The following CPQ variants were observed in gnomAD, a reference collection of about 807,000 sequenced individuals.
CPQ encodes the protein Ser-Met dipeptidase.
A neutral mutation model predicts 45.7 loss-of-function variants in CPQ; 37 were observed. The ratio of observed to expected loss-of-function variants is 0.81; its 90% CI spans 0.62 to 1.07. The LOEUF (loss-of-function observed/expected upper bound fraction) is 1.07, where lower values mean the gene tolerates loss of function less well. Ranked by LOEUF, CPQ falls within the 50% of genes least tolerant of loss-of-function variation. The pLI is 0.00. For missense variants in CPQ, 537 were observed against 572.9 expected, an observed-to-expected ratio of 0.94 and a Z score of 0.64; for synonymous variants, 186 against 205.8, an observed-to-expected ratio of 0.90 and a Z score of 0.82.
chr8:96,679,456 T>G (rs1435444040), intron 1 of CPQ, among the ~76,000 whole-genome samples: 2 of 152,168 alleles, frequency 1.3e-5, no homozygotes, highest in Non-Finnish European at 2.9e-5. Flanking sequence ...TAGGAATAAT[T>G]CCCTCTTCTC....
Position 96,783,946 on chromosome 8 carries a change from AC to A in CPQ, c.-34-915del, listed in dbSNP as rs377190022. ...GTTTGTGGACTGGTATGGCCCACAA[AC>A]CCATGCTTTGAGTAGCACTGTTTAA... On this transcript the variant is annotated intron_variant, in intron 1 of 7. Coordinates refer to ENST00000220763, the MANE Select transcript of CPQ (RefSeq NM_016134.4). 2.3e-3 allele frequency among the ~76,000 whole-genome samples: 349 copies of A among 151,646 alleles called. 4 individuals carry two copies. Among genetic ancestry groups the A allele is most frequent in the African/African-American group, 8.3e-3 (341 of 41,318 alleles).
intron 1 of CPQ, among the ~76,000 whole-genome samples, chr8:96,730,940 A>T (rs1483561747): frequency 7.0e-6 from 1 of 143,374 alleles, no homozygotes; most frequent in East Asian, 2.1e-4. Flanking sequence ...CCACCCAATA[A>T]ACCTTATGGA....
At chr8:96,746,665 C>A (rs943632131) in intron 1 of CPQ, among the ~76,000 whole-genome samples, 3 of 152,266 alleles carry the variant, frequency 2.0e-5, no homozygotes, top group East Asian at 3.9e-4. Context: ...CTCGAGGTAT[C>A]CAGTAGTGGC....
At chr8:96,942,117 G>A (rs989533511) in intron 4 of CPQ, among the ~76,000 whole-genome samples, 2 of 152,148 alleles carry the variant, frequency 1.3e-5, no homozygotes, top group African/African-American at 4.8e-5. Context: ...TCATAACTTA[G>A]AGAAACAATT....
chr8:96,978,162 C>T (rs925878707), intron 5 of CPQ, among the ~76,000 whole-genome samples: 5 of 152,110 alleles, frequency 3.3e-5, no homozygotes, highest in Non-Finnish European at 5.9e-5. Context: ...CTGTAAGACC[C>T]ATGGCAGATA....
rs187200761 is a variant in CPQ, at chr8:97,142,651, T to A, written c.1256-369T>A. On this transcript the variant is annotated intron_variant, in intron 7 of 7. Transcript: ENST00000220763. Reference sequence around the variant, plus strand: ...CCAGAAGAAGGCAGTGCAGAGCTTGTTGAGAGAGTTAGCAATATTTTCCAA... The same window carrying A: ...CCAGAAGAAGGCAGTGCAGAGCTTGATGAGAGAGTTAGCAATATTTTCCAA... Among the ~76,000 whole-genome samples the A allele has an allele frequency of 2.0e-5, 3 of 152,356 alleles. No homozygotes were observed. The East Asian group carries it at 5.8e-4, about 29-fold the overall frequency.
At chr8:96,675,333 T>C (rs1431486668) in intron 1 of CPQ, among the ~76,000 whole-genome samples, 2 of 152,062 alleles carry the variant, frequency 1.3e-5, no homozygotes, top group African/African-American at 4.8e-5. Flanking sequence ...TGCTTTGTTC[T>C]CCTGACATTT....
In CPQ at chr8:96,897,239, T is replaced by C. The variant is rs114879031; in HGVS notation, c.849+17234T>C. Among the ~76,000 whole-genome samples, 1,168 of 152,318 alleles carry C rather than the reference T, an allele frequency of 7.7e-3. 8 individuals carry two copies. The highest frequency in any genetic ancestry group is 0.024 in the African/African-American group (990 of 41,580). ...TAGCAGATTAACTAATTTTGAAAGATAATTTATTTTGAACTTGAGTAGGGG... is the reference window on the plus strand; with the variant it reads ...TAGCAGATTAACTAATTTTGAAAGACAATTTATTTTGAACTTGAGTAGGGG... On this transcript the variant is annotated intron_variant, in intron 4 of 7. Coordinates refer to ENST00000220763, the MANE Select transcript of CPQ (RefSeq NM_016134.4).
chr8:96,927,350 C>T (rs995415807), intron 4 of CPQ, among the ~76,000 whole-genome samples: 5 of 152,160 alleles, frequency 3.3e-5, no homozygotes, highest in African/African-American at 7.2e-5. Context: ...GATGAGGTCT[C>T]CAAGGAAAAT....
intron 4 of CPQ, among the ~76,000 whole-genome samples, chr8:96,884,805 G>A (rs1179539689): frequency 6.6e-6 from 1 of 152,132 alleles, no homozygotes; most frequent in Non-Finnish European, 1.5e-5. Flanking sequence ...TTAAAAGTTG[G>A]TTTTTATAAT....
intron 1 of CPQ, among the ~76,000 whole-genome samples, chr8:96,745,192 C>A (rs1810161726): frequency 6.6e-6 from 1 of 152,102 alleles, no homozygotes; most frequent in Non-Finnish European, 1.5e-5. Context: ...CCTGTAATCC[C>A]AGCTACTCAG....
intron 4 of CPQ, among the ~76,000 whole-genome samples, chr8:96,925,910 A>C (rs1052375583): frequency 1.5e-5 from 2 of 134,862 alleles, no homozygotes; most frequent in Non-Finnish European, 3.2e-5. Flanking sequence ...GGATGGTCTC[A>C]ATCTCCTGAC....
chr8:97,017,489 G>C (rs898419647), intron 5 of CPQ, among the ~76,000 whole-genome samples: 6 of 152,200 alleles, frequency 3.9e-5, no homozygotes, highest in African/African-American at 1.4e-4. Flanking sequence ...TACTTTTGCA[G>C]CTGGGAGGCA....
chr8:96,850,943 T>A (rs1811763445), intron 3 of CPQ, among the ~76,000 whole-genome samples: 1 of 151,920 alleles, frequency 6.6e-6, no homozygotes, highest in Admixed American at 6.6e-5. Context: ...TTTAGAAAAC[T>A]TAAGTTTGTG....
At chr8:96,676,234 A>G (rs966939363) in intron 1 of CPQ, among the ~76,000 whole-genome samples, 5 of 152,088 alleles carry the variant, frequency 3.3e-5, no homozygotes, top group Admixed American at 3.3e-4. Flanking sequence ...GTTTCTGTAT[A>G]TAACCAATCT....
At chr8:96,714,591 C>T (rs113814272) in intron 1 of CPQ, among the ~76,000 whole-genome samples, 3,222 of 152,010 alleles carry the variant, frequency 0.021, 80 homozygotes, top group Non-Finnish European at 0.028. Context: ...TCTCTTATAT[C>T]TCCTCAAGTA....
chr8:96,672,212 C>T (rs1809013536), intron 1 of CPQ, among the ~76,000 whole-genome samples: 2 of 152,124 alleles, frequency 1.3e-5, no homozygotes, highest in Admixed American at 1.3e-4. Context: ...TGTTCCTTGA[C>T]AGGGCTACCC....
At chr8:97,119,415 A>T (rs1811658522) in intron 7 of CPQ, among the ~76,000 whole-genome samples, 1 of 144,442 alleles carries the variant, frequency 6.9e-6, no homozygotes, top group African/African-American at 2.6e-5. Context: ...TTAATGATTT[A>T]TTGTTTCTGA....
intron 4 of CPQ, among the ~76,000 whole-genome samples, chr8:96,927,147 T>A (rs1812903514): frequency 6.6e-6 from 1 of 152,260 alleles, no homozygotes; most frequent in Non-Finnish European, 1.5e-5. Flanking sequence ...ATTTATATAC[T>A]GCCTTGAGGG....
Sources: allele counts gnomAD v4.1 joint callset (sites outside exome capture counted in the v4.1 genomes callset), GRCh38; gene constraint gnomAD v4.1.1; transcripts MANE v1.5; gene names NCBI Gene and HGNC (gene_info 2026-07-23, HGNC 2026-07-21).